Variants in MKLN1 observed in about 807,000 individuals in gnomAD.
The protein encoded by MKLN1 is muskelin 1, also known as muskelin.
In MKLN1, 18 loss-of-function variants were observed where a neutral mutation model predicts 99.0. The ratio of observed to expected loss-of-function variants is 0.18; its 90% CI spans 0.13 to 0.27. MKLN1 has a LOEUF of 0.27. MKLN1 is among the 10% of genes least tolerant of loss of function. The pLI is 1.00. For missense variants in MKLN1, 621 were observed against 875.9 expected (o/e 0.71, Z 3.67); for synonymous variants, 288 against 293.2 (o/e 0.98, Z 0.18).
Position 131,277,287 on chromosome 7 carries a change from A to AT in MKLN1, c.-179+74326dup, listed in dbSNP as rs760386545. Among the ~76,000 whole-genome samples the AT allele has an allele frequency of 5.6e-3, 806 of 143,992 alleles. 4 individuals carry two copies. The highest frequency in any genetic ancestry group is 0.012 in the African/African-American group (471 of 39,412). The allele number at this position is 143,992 out of a possible 152,430, so 94.5% of individuals were successfully genotyped here. A position where few individuals can be genotyped will look rare whatever the true frequency, so the allele number is the denominator to read the frequency against. ...TATAGTTTACAACAATCAATTGTGC[A>AT]TTTTTTTTTTTTTGAGTTGGAGTTT... On this transcript the variant is annotated intron_variant, in intron 3 of 7. Coordinates refer to the MKLN1 transcript ENST00000416992.
intron 8 of MKLN1, among the ~76,000 whole-genome samples, chr7:131,422,551 C>G (rs1795237149): frequency 6.6e-6 from 1 of 152,086 alleles, no homozygotes; most frequent in South Asian, 2.1e-4. Context: ...AAGATTCTGT[C>G]TCCGGAAATT....
intron 3 of MKLN1, among the ~76,000 whole-genome samples, chr7:131,205,947 G>A (rs534972668): frequency 4.7e-5 from 7 of 149,524 alleles, no homozygotes; most frequent in Admixed American, 2.7e-4. Flanking sequence ...AGGCTGGAGC[G>A]CAAAGGCATG....
intron 3 of MKLN1, among the ~76,000 whole-genome samples, chr7:131,230,193 C>T (rs967682959): frequency 2.0e-5 from 3 of 152,124 alleles, no homozygotes; most frequent in Non-Finnish European, 4.4e-5. Flanking sequence ...TCTGTTTTGA[C>T]AGTCTTATGG....
At chr7:131,183,707 A>C (rs1015564740) in intron 2 of MKLN1, among the ~76,000 whole-genome samples, 2 of 152,184 alleles carry the variant, frequency 1.3e-5, no homozygotes, top group African/African-American at 4.8e-5. Flanking sequence ...ATGTTTCTGA[A>C]GTTTTCCAGC....
intron 3 of MKLN1, among the ~76,000 whole-genome samples, chr7:131,221,035 T>G (rs1797052415): frequency 6.6e-6 from 1 of 152,242 alleles, no homozygotes; most frequent in Admixed American, 6.5e-5. Context: ...GTATACCTTT[T>G]CTCCCATGTT....
At chr7:131,153,843 A>G (rs1340782858) in intron 2 of MKLN1, among the ~76,000 whole-genome samples, 2 of 151,832 alleles carry the variant, frequency 1.3e-5, no homozygotes, top group Non-Finnish European at 2.9e-5. Flanking sequence ...TTGTATTTTT[A>G]GTAGAGATGG....
Position 131,180,658 on chromosome 7 carries a change from C to G in MKLN1, c.-296-22199C>G, listed in dbSNP as rs182693697. Reference sequence around the variant, plus strand: ...AGGTTGCAGTGAGCCAAGATCCCACCACTGCACTCCAGCCTGGGCGACAGA... The same window carrying G: ...AGGTTGCAGTGAGCCAAGATCCCACGACTGCACTCCAGCCTGGGCGACAGA... On this transcript the variant is annotated intron_variant, in intron 2 of 7. Coordinates refer to the MKLN1 transcript ENST00000416992. Among the ~76,000 whole-genome samples the G allele has an allele frequency of 5.3e-3, 794 of 149,102 alleles. 3 individuals carry two copies. The highest frequency in any genetic ancestry group is 0.019 in the African/African-American group (757 of 40,280).
rs116263102 is a variant in MKLN1, at chr7:131,281,632, G to T, written c.-179+78658G>T. Among the ~76,000 whole-genome samples the T allele has an allele frequency of 6.9e-3, 1,039 of 151,636 alleles. 12 individuals are homozygous for T. Among genetic ancestry groups the T allele is most frequent in the African/African-American group, 0.024 (983 of 41,398 alleles). Reference sequence around the variant, plus strand: ...TTTTTCAGGATTATTCATTGCTAGTGTATAGAAATACAATTGATTTTTGTT... The same window carrying T: ...TTTTTCAGGATTATTCATTGCTAGTTTATAGAAATACAATTGATTTTTGTT... On this transcript the variant is annotated intron_variant, in intron 3 of 7. Coordinates refer to the MKLN1 transcript ENST00000416992.
intron 2 of MKLN1, among the ~76,000 whole-genome samples, chr7:131,146,834 G>A (rs978713188): frequency 1.3e-5 from 2 of 152,144 alleles, no homozygotes; most frequent in African/African-American, 2.4e-5. Flanking sequence ...TCCTGTACCA[G>A]GTATGTCCAA....
chr7:131,258,231 C>A (rs1797685193), intron 3 of MKLN1, among the ~76,000 whole-genome samples: 3 of 151,496 alleles, frequency 2.0e-5, no homozygotes, highest in Admixed American at 2.0e-4. Flanking sequence ...CACTGTAAAT[C>A]TGGCCCTTTG....
chr7:131,275,024 A>G (rs1368830780), intron 3 of MKLN1, among the ~76,000 whole-genome samples: 2 of 152,216 alleles, frequency 1.3e-5, no homozygotes, highest in African/African-American at 2.4e-5. Flanking sequence ...AAGAATGAGC[A>G]GATGGAGACC....
chr7:131,164,258 C>T (rs749803087), intron 2 of MKLN1, among the ~76,000 whole-genome samples: 1 of 152,148 alleles, frequency 6.6e-6, no homozygotes, highest in Non-Finnish European at 1.5e-5. Flanking sequence ...ACTACAGGCA[C>T]ACACCACCAT....
chr7:131,180,338 A>G (rs1161079600), intron 2 of MKLN1, among the ~76,000 whole-genome samples: 3 of 152,216 alleles, frequency 2.0e-5, no homozygotes, highest in Non-Finnish European at 4.4e-5. Context: ...AAATGTTACC[A>G]TTTATGTAGA....
At chr7:131,257,701 A>G (rs1195411782) in intron 3 of MKLN1, among the ~76,000 whole-genome samples, 2 of 152,000 alleles carry the variant, frequency 1.3e-5, no homozygotes, top group African/African-American at 2.4e-5. Context: ...GGCCACCTAA[A>G]AGGAGGAAGG....
intron 2 of MKLN1, 23 bp downstream of exon 2, chr7:131,375,516 A>G (rs1256911322): frequency 6.8e-7 from 1 of 1,479,630 alleles, no homozygotes; most frequent in East Asian, 2.3e-5. Flanking sequence ...GTATCCCTTA[A>G]TGCTGTTTAG....
At chr7:131,273,719 G>C (rs1684244868) in intron 3 of MKLN1, among the ~76,000 whole-genome samples, 1 of 151,004 alleles carries the variant, frequency 6.6e-6, no homozygotes, top group South Asian at 2.1e-4. Context: ...TGACTTCCTA[G>C]GCTCAAGTGA....
chr7:131,172,179 C>T (rs889826280), intron 2 of MKLN1, among the ~76,000 whole-genome samples: 3 of 151,970 alleles, frequency 2.0e-5, no homozygotes, highest in Non-Finnish European at 4.4e-5. Flanking sequence ...CTCGCTCTGT[C>T]GCCCAGGCTG....
At chr7:131,293,223 A>T (rs1340393350) in intron 3 of MKLN1, among the ~76,000 whole-genome samples, 1 of 152,152 alleles carries the variant, frequency 6.6e-6, no homozygotes, top group Admixed American at 6.6e-5. Flanking sequence ...CCCAGCTGAG[A>T]TCATCCCAGA....
At chr7:131,188,145 A>AC (rs1301387615) in intron 2 of MKLN1, among the ~76,000 whole-genome samples, 1 of 152,178 alleles carries the variant, frequency 6.6e-6, no homozygotes, top group East Asian at 1.9e-4. Flanking sequence ...CACATACGTT[A>AC]CCCATAAAGT....
Sources: allele counts gnomAD v4.1 joint callset (sites outside exome capture counted in the v4.1 genomes callset), GRCh38; gene constraint gnomAD v4.1.1; transcripts MANE v1.5; gene names NCBI Gene and HGNC (gene_info 2026-07-23, HGNC 2026-07-21).